The following MATN2 variants were observed in gnomAD, a reference collection of about 807,000 sequenced individuals.
MATN2 encodes matrilin 2.
A neutral mutation model predicts 103.2 loss-of-function variants in MATN2; 69 were observed. The ratio of observed to expected loss-of-function variants is 0.67; its 90% CI spans 0.55 to 0.82. MATN2 has a LOEUF of 0.82. Among genes scored for constraint, MATN2 ranks in the 40% least tolerant of loss-of-function variants. The pLI is 0.00. For synonymous variants in MATN2, 429 were observed against 450.2 expected (o/e 0.95, Z 0.60); for missense variants, 1,023 against 1,211.5 (o/e 0.84, Z 2.31).
chr8:98,032,984 C>T, intron 16 of MATN2, 58 bp from the exon 17 acceptor site: 13 of 1,531,304 alleles, frequency 8.5e-6, no homozygotes, highest in Non-Finnish European at 1.1e-5. Context: ...CTGCTGATGG[C>T]TGTTTTATAA....
intron 4 of MATN2, among the ~76,000 whole-genome samples, chr8:97,959,903 A>G (rs1327679864): frequency 2.0e-5 from 3 of 152,226 alleles, no homozygotes; most frequent in Admixed American, 1.3e-4. Context: ...TCAGGAATTA[A>G]TCAAGCTTTC....
intron 3 of MATN2, among the ~76,000 whole-genome samples, chr8:97,938,004 C>T (rs909871380): frequency 2.6e-5 from 4 of 152,176 alleles, no homozygotes; most frequent in South Asian, 2.1e-4. Flanking sequence ...CCTCTCCCCA[C>T]GATGCTGCCT....
chr8:97,884,978 C>T (rs1818377901), intron 1 of MATN2, among the ~76,000 whole-genome samples: 2 of 152,182 alleles, frequency 1.3e-5, no homozygotes, highest in South Asian at 4.1e-4. Context: ...CAGGGTTGGA[C>T]AGCTAGCATT....
At chr8:97,889,457 G>GTATATATATATATATATATATATA (rs1164752239) in intron 2 of MATN2, among the ~76,000 whole-genome samples, 7 of 15,688 alleles carry the variant, frequency 4.5e-4, no homozygotes, top group African/African-American at 1.5e-3. Context: ...CTCTCTCTCT[G>GTATATATATATATATATATATATA]TCTATATATA....
At chr8:98,019,538 C>G (rs1487923874) in intron 12 of MATN2, among the ~76,000 whole-genome samples, 1 of 152,214 alleles carries the variant, frequency 6.6e-6, no homozygotes, top group African/African-American at 2.4e-5. Flanking sequence ...AATTAGCTCA[C>G]AGCATCATTT....
chr8:98,018,387 G>A (rs189343237), intron 12 of MATN2, among the ~76,000 whole-genome samples: 18 of 152,232 alleles, frequency 1.2e-4, no homozygotes, highest in African/African-American at 2.6e-4. Flanking sequence ...GTGGGTGCCC[G>A]GAAACTCGCA....
At chr8:97,964,860 A>G (rs984843603) in intron 5 of MATN2, among the ~76,000 whole-genome samples, 9 of 151,938 alleles carry the variant, frequency 5.9e-5, no homozygotes, top group Non-Finnish European at 1.2e-4. Flanking sequence ...CAGACTCCCA[A>G]GTTGCTGGGA....
chr8:97,903,553 G>A (rs1271376860), intron 2 of MATN2, among the ~76,000 whole-genome samples: 1 of 152,222 alleles, frequency 6.6e-6, no homozygotes. Flanking sequence ...AGATGCCTAG[G>A]TGAGTGTGGG....
intron 12 of MATN2, among the ~76,000 whole-genome samples, chr8:98,018,826 C>G (rs1813468199): frequency 6.6e-6 from 1 of 152,048 alleles, no homozygotes; most frequent in Non-Finnish European, 1.5e-5. Flanking sequence ...ATTGTGGGAA[C>G]TACAATTCAA....
At chr8:97,983,610 A>G (rs1391879640) in intron 6 of MATN2, among the ~76,000 whole-genome samples, 1 of 152,196 alleles carries the variant, frequency 6.6e-6, no homozygotes, top group South Asian at 2.1e-4. Context: ...GCCTGTAAGG[A>G]TGAATAAAGG....
In MATN2 at chr8:97,937,583, C is replaced by CTTTTTT. The variant is rs376203275; in HGVS notation, c.713-4176_713-4171dup. Among the ~76,000 whole-genome samples, 160 of 89,802 alleles carry CTTTTTT rather than the reference C, an allele frequency of 1.8e-3. 4 individuals carry two copies. The highest frequency in any genetic ancestry group is 2.2e-3 in the African/African-American group (49 of 21,970). 58.9% of individuals were successfully genotyped at this position (89,802 alleles called of 152,430 possible). A position where few individuals can be genotyped will look rare whatever the true frequency, so the allele number is the denominator to read the frequency against. Reference sequence around the variant, plus strand: ...TCTTTTAATTCCCCCTCCCCACTAACTTTTTTTTTTTTTTTTTTTTTTTGA... The same window carrying CTTTTTT: ...TCTTTTAATTCCCCCTCCCCACTAACTTTTTTTTTTTTTTTTTTTTTTTTTTTTTGA... On this transcript the variant is annotated intron_variant, in intron 3 of 18. Transcript: ENST00000254898.
rs1218591796 is a variant in MATN2, at chr8:98,018,070, G to A, written c.1773G>A (p.Glu591=). The part of the protein sequence containing the change: ...CVNSDDSYTC[E]CLEGFRLAED... ...ACAGTGATGACTCATACACGTGCGA[G>A]TGCTTGGAGGGATTCCGGCTCGCTG... The change falls in exon 12 of 19, where the codon GAG becomes GAA. Residue 591 remains glutamate (E), a synonymous_variant. Coordinates refer to ENST00000254898, the MANE Select transcript of MATN2 (RefSeq NM_002380.5). 4 of 1,613,968 alleles carry A rather than the reference G, an allele frequency of 2.5e-6. No homozygotes were observed. The highest frequency in any genetic ancestry group is 1.6e-4 in the Middle Eastern group (1 of 6,062).
chr8:97,907,558 G>A (rs1188305829), intron 2 of MATN2, among the ~76,000 whole-genome samples: 7 of 150,564 alleles, frequency 4.6e-5, no homozygotes, highest in Non-Finnish European at 7.4e-5. Context: ...TCCTGACCTC[G>A]TGATCCACCC....
chr8:97,976,828 A>G (rs150032374), intron 5 of MATN2, among the ~76,000 whole-genome samples: 1 of 152,048 alleles, frequency 6.6e-6, no homozygotes, highest in East Asian at 1.9e-4. Flanking sequence ...CTCTAATCCA[A>G]CAGGAATCCT....
intron 2 of MATN2, among the ~76,000 whole-genome samples, chr8:97,928,014 A>T (rs545261339): frequency 1.3e-5 from 2 of 152,150 alleles, no homozygotes; most frequent in East Asian, 1.9e-4. Context: ...GCAGGTAAAG[A>T]TTATTGGGTC....
At chr8:97,903,374 G>A (rs1256940232) in intron 2 of MATN2, among the ~76,000 whole-genome samples, 1 of 152,214 alleles carries the variant, frequency 6.6e-6, no homozygotes. Context: ...TTTTGTGTCA[G>A]TTCCACATGG....
chr8:97,956,134 C>A (rs1394109262), intron 4 of MATN2, among the ~76,000 whole-genome samples: 4 of 152,170 alleles, frequency 2.6e-5, no homozygotes, highest in African/African-American at 9.7e-5. Flanking sequence ...GCAGGGCTAT[C>A]CTTATAGGCA....
chr8:97,936,142 A>G (rs1810362872), intron 3 of MATN2, among the ~76,000 whole-genome samples: 2 of 152,182 alleles, frequency 1.3e-5, no homozygotes, highest in African/African-American at 4.8e-5. Context: ...CCTGTCTACA[A>G]GATGACCAAA....
At chr8:97,981,815 C>T (rs1384211240) in intron 6 of MATN2, among the ~76,000 whole-genome samples, 2 of 152,186 alleles carry the variant, frequency 1.3e-5, no homozygotes, top group Non-Finnish European at 2.9e-5. Flanking sequence ...CAGCATGCCT[C>T]CTGTCCCAGA....
Sources: allele counts gnomAD v4.1 joint callset (sites outside exome capture counted in the v4.1 genomes callset), GRCh38; gene constraint gnomAD v4.1.1; transcripts MANE v1.5; gene names NCBI Gene and HGNC (gene_info 2026-07-23, HGNC 2026-07-21).